Variants in L3MBTL4 observed in about 807,000 individuals in gnomAD.
L3MBTL4 encodes the protein lethal(3)malignant brain tumor-like protein 4.
Under a neutral mutation model 84.5 loss-of-function variants are expected in L3MBTL4, and 70 were observed. That is an observed-to-expected ratio of 0.83 (90% CI 0.68 to 1.01). The LOEUF (loss-of-function observed/expected upper bound fraction) is 1.01. Among genes scored for constraint, L3MBTL4 ranks in the 50% least tolerant of loss-of-function variants. The pLI is 0.00. For synonymous variants in L3MBTL4, 274 were observed against 259.8 expected, an observed-to-expected ratio of 1.05 and a Z score of -0.52; for missense variants, 715 against 754.8, an observed-to-expected ratio of 0.95 and a Z score of 0.62.
At position 6,113,039 on chromosome 18, in the gene L3MBTL4, C is replaced by T. The variant is rs56215506; in HGVS notation, c.1200-19511G>A. On this transcript the variant is annotated intron_variant, in intron 14 of 18. Coordinates refer to ENST00000317931, the MANE Select transcript of L3MBTL4 (RefSeq NM_001330559.2). ...AATGAGCTGTGCCTGGTTAACTCCC[C>T]GGCACATCGCAGAACAGAGCCCATA... 9.9e-5 allele frequency among the ~76,000 whole-genome samples: 15 copies of T among 152,168 alleles called. No homozygotes were observed. The East Asian group carries it at 1.4e-3, about 14-fold the overall frequency.
intron 10 of L3MBTL4, among the ~76,000 whole-genome samples, chr18:6,221,632 T>C (rs538100036): frequency 6.6e-6 from 1 of 152,302 alleles, no homozygotes; most frequent in East Asian, 1.9e-4. Flanking sequence ...ACTTTGAGGT[T>C]TACTGAGTGC....
intron 14 of L3MBTL4, among the ~76,000 whole-genome samples, chr18:6,109,704 G>A (rs749942132): frequency 2.6e-5 from 4 of 152,124 alleles, no homozygotes; most frequent in African/African-American, 4.8e-5. Context: ...GAAGCTGCCC[G>A]TGCACCCCAG....
intron 15 of L3MBTL4, among the ~76,000 whole-genome samples, chr18:6,090,958 A>G (rs1264112004): frequency 3.9e-5 from 6 of 152,150 alleles, no homozygotes; most frequent in African/African-American, 1.4e-4. Flanking sequence ...TGGAAATTAT[A>G]GCTCTGATTT....
intron 1 of L3MBTL4, among the ~76,000 whole-genome samples, chr18:6,378,603 A>G (rs2144310307): frequency 6.6e-6 from 1 of 152,266 alleles, no homozygotes; most frequent in East Asian, 1.9e-4. Flanking sequence ...TGTTTGTGTC[A>G]GGTTTGTCAA....
rs561655905 is a variant in L3MBTL4, at chr18:6,062,889, GT to G, written c.1444+17991del. Among the ~76,000 whole-genome samples, 6 of 151,464 alleles carry G rather than the reference GT, an allele frequency of 4.0e-5. No individual in the cohort carries two copies. In the South Asian group the frequency reaches 1.3e-3, roughly 32 times the overall value. On this transcript the variant is annotated intron_variant, in intron 16 of 18. Coordinates refer to ENST00000317931, the MANE Select transcript of L3MBTL4 (RefSeq NM_001330559.2). The stretch of plus-strand genomic sequence containing the variant: ...ACAGGTGGTTTTTGGTTACATGGAT[GT>G]TTTTTAGTGGTGATTCCTGAGATTT...
chr18:5,985,326 G>T (rs953089902), intron 16 of L3MBTL4, among the ~76,000 whole-genome samples: 2 of 152,148 alleles, frequency 1.3e-5, no homozygotes, highest in Non-Finnish European at 2.9e-5. Context: ...GTAAAGAATA[G>T]ATTATTAAAT....
intron 5 of L3MBTL4, among the ~76,000 whole-genome samples, chr18:6,245,044 G>A (rs1427252976): frequency 6.6e-6 from 1 of 152,088 alleles, no homozygotes; most frequent in African/African-American, 2.4e-5. Flanking sequence ...CGAATAGCTA[G>A]GATTACATAC....
In L3MBTL4 at chr18:6,014,087, G is replaced by A. The variant is rs113995474; in HGVS notation, c.1445-44525C>T. Among the ~76,000 whole-genome samples the A allele has an allele frequency of 4.6e-3, 699 of 152,218 alleles. 3 individuals carry two copies. The highest frequency in any genetic ancestry group is 0.016 in the African/African-American group (679 of 41,522). ...CAGAGACTTCATTACTCTGGGCCTC[G>A]ATTTTCTCTTTGGTAAATGAAAATC... On this transcript the variant is annotated intron_variant, in intron 16 of 18. Transcript: ENST00000317931.
At chr18:6,268,868 A>ATATTCAC (rs770268376) in intron 4 of L3MBTL4, among the ~76,000 whole-genome samples, 1 of 152,188 alleles carries the variant, frequency 6.6e-6, no homozygotes, top group Non-Finnish European at 1.5e-5. Context: ...GAATGTATAC[A>ATATTCAC]TATTCACTTG....
intron 12 of L3MBTL4, among the ~76,000 whole-genome samples, chr18:6,186,583 G>A (rs2044777047): frequency 6.6e-6 from 1 of 152,218 alleles, no homozygotes; most frequent in Non-Finnish European, 1.5e-5. Context: ...GAAAGCAGGA[G>A]GGAGGAGAAC....
chr18:6,016,006 A>G (rs1352147973), intron 16 of L3MBTL4, among the ~76,000 whole-genome samples: 1 of 152,194 alleles, frequency 6.6e-6, no homozygotes, highest in Non-Finnish European at 1.5e-5. Context: ...TGCAGTCTCT[A>G]CTGAGTGTCC....
intron 1 of L3MBTL4, among the ~76,000 whole-genome samples, chr18:6,333,031 T>C (rs1056136608): frequency 3.3e-5 from 5 of 152,158 alleles, no homozygotes; most frequent in African/African-American, 1.2e-4. Context: ...CTGTAATGTC[T>C]TAAGAGTTCT....
At chr18:6,186,707 C>G (rs73383937) in intron 12 of L3MBTL4, among the ~76,000 whole-genome samples, 11,747 of 152,144 alleles carry the variant, frequency 0.077, 1,514 homozygotes, top group African/African-American at 0.27. Flanking sequence ...AACCAGCAAA[C>G]GCACCTTCCT....
chr18:6,252,261 C>T (rs1342378375), intron 5 of L3MBTL4, among the ~76,000 whole-genome samples: 1 of 151,998 alleles, frequency 6.6e-6, no homozygotes, highest in African/African-American at 2.4e-5. Context: ...TGCAGTGAGC[C>T]AAGATTGCAC....
intron 17 of L3MBTL4, among the ~76,000 whole-genome samples, chr18:5,965,879 T>A (rs1009276281): frequency 1.3e-5 from 2 of 152,098 alleles, no homozygotes; most frequent in African/African-American, 4.8e-5. Flanking sequence ...CTGGAGTGCA[T>A]CCCTGACGGA....
At chr18:6,029,739 C>T (rs1323148258) in intron 16 of L3MBTL4, 3 of 984,762 alleles carry the variant, frequency 3.0e-6, no homozygotes, top group African/African-American at 1.7e-5. Context: ...TATTGCAATC[C>T]AAAAATTAAC....
intron 17 of L3MBTL4, among the ~76,000 whole-genome samples, chr18:5,965,006 C>T (rs1006209692): frequency 6.6e-6 from 1 of 152,194 alleles, no homozygotes; most frequent in Non-Finnish European, 1.5e-5. Flanking sequence ...AAAGCTTATA[C>T]TCCTGTACAA....
At chr18:6,248,324 A>T (rs1182967685) in intron 5 of L3MBTL4, among the ~76,000 whole-genome samples, 1 of 152,186 alleles carries the variant, frequency 6.6e-6, no homozygotes, top group Non-Finnish European at 1.5e-5. Context: ...CCAAGAATGG[A>T]GTATATTGTT....
chr18:6,299,123 ATACT>A (rs1282375333), intron 4 of L3MBTL4, among the ~76,000 whole-genome samples: 8 of 152,206 alleles, frequency 5.3e-5, no homozygotes, highest in African/African-American at 7.2e-5. Flanking sequence ...TTAAGAAGTA[ATACT>A]TACTGAAACA....
Sources: allele counts gnomAD v4.1 joint callset (sites outside exome capture counted in the v4.1 genomes callset), GRCh38; gene constraint gnomAD v4.1.1; transcripts MANE v1.5; gene names NCBI Gene and HGNC (gene_info 2026-07-23, HGNC 2026-07-21).